MGMT: variants seen among roughly 807,000 people sequenced by gnomAD.
MGMT encodes the protein O-6-methylguanine-DNA methyltransferase.
Under a neutral mutation model 15.9 loss-of-function variants are expected in MGMT, and 14 were observed. The observed-to-expected ratio is 0.88, with a 90% CI of 0.58 to 1.37. The LOEUF (loss-of-function observed/expected upper bound fraction) is 1.37. Among genes scored for constraint, MGMT ranks in the 40% most tolerant of loss-of-function variants. The pLI is 0.00. For synonymous variants in MGMT, 130 were observed against 118.2 expected, an observed-to-expected ratio of 1.10 and a Z score of -0.65; for missense variants, 282 against 268.1, an observed-to-expected ratio of 1.05 and a Z score of -0.36.
At position 129,584,439 on chromosome 10, in the gene MGMT, G is replaced by GTT. The variant is rs143383713; in HGVS notation, c.125+48071_125+48072dup. Among the ~76,000 whole-genome samples, 1,064 of 149,226 alleles carry GTT rather than the reference G, an allele frequency of 7.1e-3. 8 individuals are homozygous for GTT. The highest frequency in any genetic ancestry group is 0.01 in the Non-Finnish European group (683 of 67,270). On this transcript the variant is annotated intron_variant, in intron 2 of 4. Transcript: ENST00000651593. ...TTCTTTTTTGTATAAGGCTTAATTT[G>GTT]TTTTTTTTTTCATGTTATAGCTTTC...
chr10:129,531,607 C>T (rs986946780), intron 1 of MGMT, among the ~76,000 whole-genome samples: 2 of 152,118 alleles, frequency 1.3e-5, no homozygotes, highest in East Asian at 3.9e-4. Flanking sequence ...GAGGCCTCAG[C>T]CATTGCATTT....
At chr10:129,512,179 C>T (rs1301214730) in intron 1 of MGMT, among the ~76,000 whole-genome samples, 1 of 152,162 alleles carries the variant, frequency 6.6e-6, no homozygotes, top group African/African-American at 2.4e-5. Context: ...GCAGCCATCC[C>T]TGCTTTAATT....
chr10:129,579,083 C>G (rs183931838), intron 2 of MGMT, among the ~76,000 whole-genome samples: 11 of 152,244 alleles, frequency 7.2e-5, no homozygotes, highest in Admixed American at 7.2e-4. Flanking sequence ...TTATATTGAC[C>G]TAACAGATTA....
chr10:129,623,842 C>G (rs1847116571), intron 2 of MGMT, among the ~76,000 whole-genome samples: 1 of 152,208 alleles, frequency 6.6e-6, no homozygotes, highest in Non-Finnish European at 1.5e-5. Context: ...ACCTTTCAAA[C>G]AGGTATCTCC....
At chr10:129,708,136 C>T in intron 3 of MGMT, 93 bp downstream of exon 3, 2 of 1,477,334 alleles carry the variant, frequency 1.4e-6, no homozygotes, top group Non-Finnish European at 1.8e-6. Context: ...AGTATACCAA[C>T]TTGGTATTTT....
chr10:129,711,541 C>G (rs4751114), intron 3 of MGMT, among the ~76,000 whole-genome samples: 56,685 of 152,054 alleles, frequency 0.37, 10,858 homozygotes, highest in East Asian at 0.54. Context: ...AAGAGGAAAG[C>G]TGAGCTGTCC....
At chr10:129,724,083 G>A (rs574686940) in intron 3 of MGMT, among the ~76,000 whole-genome samples, 1 of 152,322 alleles carries the variant, frequency 6.6e-6, no homozygotes, top group African/African-American at 2.4e-5. Context: ...GTTCACAGCA[G>A]CTTTGCTTGC....
intron 1 of MGMT, among the ~76,000 whole-genome samples, chr10:129,535,750 G>C (rs1845977331): frequency 6.6e-6 from 1 of 152,212 alleles, no homozygotes; most frequent in African/African-American, 2.4e-5. Flanking sequence ...CCTAACACAG[G>C]TGCCGTGGCA....
At chr10:129,710,808 C>T (rs1045853743) in intron 3 of MGMT, among the ~76,000 whole-genome samples, 1 of 152,208 alleles carries the variant, frequency 6.6e-6, no homozygotes, top group Non-Finnish European at 1.5e-5. Flanking sequence ...ACCTGCTTTG[C>T]AGACTGAGAG....
Position 129,633,152 on chromosome 10 carries a change from T to A in MGMT, c.126-74743T>A, listed in dbSNP as rs563503880. On this transcript the variant is annotated intron_variant, in intron 2 of 4. Transcript: ENST00000651593. ...ACAGACATAAAAATGTTAAAACCCT[T>A]CTCAGTACTCCCACTTTGAAAAAGT... 1.5e-4 allele frequency among the ~76,000 whole-genome samples: 23 copies of A among 152,308 alleles called. No homozygotes were observed. In the South Asian group the frequency reaches 3.7e-3, roughly 25 times the overall value.
intron 2 of MGMT, among the ~76,000 whole-genome samples, chr10:129,562,882 C>T (rs117202977): frequency 0.033 from 4,950 of 152,296 alleles, 129 homozygotes; most frequent in South Asian, 0.065. Context: ...CAGATGATCC[C>T]CGACTTACCG....
intron 2 of MGMT, among the ~76,000 whole-genome samples, chr10:129,678,299 G>T (rs1471956866): frequency 1.3e-5 from 2 of 152,070 alleles, no homozygotes; most frequent in African/African-American, 4.8e-5. Flanking sequence ...GTTCCTGCAG[G>T]TGCAGGAGCT....
intron 2 of MGMT, among the ~76,000 whole-genome samples, chr10:129,565,696 A>G (rs369952444): frequency 6.6e-6 from 1 of 152,182 alleles, no homozygotes; most frequent in African/African-American, 2.4e-5. Flanking sequence ...TTCTTCTGCC[A>G]TAGCCACAGG....
chr10:129,534,753 A>G (rs1845967525), intron 1 of MGMT, among the ~76,000 whole-genome samples: 1 of 151,484 alleles, frequency 6.6e-6, no homozygotes, highest in African/African-American at 2.4e-5. Context: ...AGGCGCAGAG[A>G]TTTGGGATGC....
chr10:129,573,946 T>A (rs1846448916), intron 2 of MGMT, among the ~76,000 whole-genome samples: 1 of 152,252 alleles, frequency 6.6e-6, no homozygotes, highest in Non-Finnish European at 1.5e-5. Flanking sequence ...TTCTAAGACA[T>A]TTTAAAGAAG....
intron 2 of MGMT, among the ~76,000 whole-genome samples, chr10:129,602,274 T>G (rs1403076239): frequency 1.3e-5 from 2 of 152,168 alleles, no homozygotes; most frequent in Admixed American, 6.5e-5. Context: ...GAGTGTCACT[T>G]TACTAGTCAG....
intron 1 of MGMT, among the ~76,000 whole-genome samples, chr10:129,486,832 A>G (rs557687990): frequency 1.3e-4 from 20 of 152,316 alleles, no homozygotes; most frequent in Admixed American, 8.5e-4. Context: ...CAGCATTTTC[A>G]TGTTGTCAAA....
intron 2 of MGMT, among the ~76,000 whole-genome samples, chr10:129,561,575 C>G (rs1390132361): frequency 1.3e-5 from 2 of 152,184 alleles, no homozygotes; most frequent in Non-Finnish European, 2.9e-5. Context: ...AAGGTGATAT[C>G]TTGTCTGATG....
rs187984932 is a variant in MGMT at position 129,492,240 on chromosome 10, C to A, written c.-13+24944C>A. On this transcript the variant is annotated intron_variant, in intron 1 of 4. Transcript: ENST00000651593. Reference sequence around the variant, plus strand: ...GAGCATGGTCTTTTGATTGGAAGCCCATGGTCTCTTTCTCCTCAGCCTGTA... The same window carrying A: ...GAGCATGGTCTTTTGATTGGAAGCCAATGGTCTCTTTCTCCTCAGCCTGTA... Among the ~76,000 whole-genome samples the A allele has an allele frequency of 2.6e-3, 392 of 152,238 alleles. 1 individual carries two copies. The highest frequency in any genetic ancestry group is 9.1e-3 in the African/African-American group (376 of 41,542).
Sources: gnomAD v4.1 joint callset for allele counts (sites outside exome capture counted in the v4.1 genomes callset) on GRCh38, gnomAD v4.1.1 for gene constraint, MANE v1.5 for transcripts, NCBI Gene and HGNC (gene_info 2026-07-23, HGNC 2026-07-21) for gene names.